STK4: variants seen among roughly 807,000 people sequenced by gnomAD.
STK4 encodes serine/threonine-protein kinase 4.
Under a neutral mutation model 64.9 loss-of-function variants are expected in STK4, and 30 were observed. That is an observed-to-expected ratio of 0.46 (90% CI 0.35 to 0.63). The LOEUF (loss-of-function observed/expected upper bound fraction) is 0.63. Ranked by LOEUF, STK4 falls within the 20% of genes least tolerant of loss-of-function variation. STK4 has a pLI of 0.01. For synonymous variants in STK4, 177 were observed against 199.0 expected (o/e 0.89, Z 0.93); for missense variants, 466 against 598.5 (o/e 0.78, Z 2.31).
chr20:45,063,170 A>C (rs1175044877), intron 10 of STK4, among the ~76,000 whole-genome samples: 2 of 147,084 alleles, frequency 1.4e-5, no homozygotes, highest in Non-Finnish European at 1.5e-5. Flanking sequence ...CACCTGGCTA[A>C]TTGTTTTTGT....
intron 10 of STK4, among the ~76,000 whole-genome samples, chr20:45,043,032 T>C (rs1485973123): frequency 6.6e-6 from 1 of 152,070 alleles, no homozygotes; most frequent in African/African-American, 2.4e-5. Flanking sequence ...CAGGCCCCAG[T>C]GTGTGTTGTT....
chr20:45,076,476 C>T lies in STK4; in HGVS notation c.*1300C>T, dbSNP rs1460556174. ...CCTGTGTCAGTCTTGGTTAATTGTTCCAGGGAACCTTGCTAACAGAAACTT... is the reference window on the plus strand; with the variant it reads ...CCTGTGTCAGTCTTGGTTAATTGTTTCAGGGAACCTTGCTAACAGAAACTT... On this transcript the variant is annotated 3_prime_UTR_variant, in exon 11 of 11. Transcript: ENST00000372806. This position sits in a 1 kb window ranked among gnomAD's most constrained non-coding sequence, Gnocchi z 4.0. 1 of 152,188 alleles carries T rather than the reference C, an allele frequency of 6.6e-6. No homozygotes were observed. Among genetic ancestry groups the T allele is most frequent in the African/African-American group, 2.4e-5 (1 of 41,448 alleles). The allele number at this position is 152,188 out of a possible 1,614,324, so 9.4% of individuals were successfully genotyped here. A position where few individuals can be genotyped will look rare whatever the true frequency, so the allele number is the denominator to read the frequency against.
At chr20:45,020,472 T>TGTGTG (rs1568728059) in intron 9 of STK4, among the ~76,000 whole-genome samples, 228 of 49,514 alleles carry the variant, frequency 4.6e-3, no homozygotes, top group African/African-American at 0.025. Context: ...GTGTGTATGT[T>TGTGTG]TATGTTTATG....
intron 10 of STK4, among the ~76,000 whole-genome samples, chr20:45,026,348 T>TGTGTGTGTGTGC (rs995303278): frequency 6.6e-6 from 1 of 150,886 alleles, no homozygotes; most frequent in African/African-American, 2.4e-5. Context: ...TGTGTGTGTG[T>TGTGTGTGTGTGC]GCATAGTTTT....
intron 5 of STK4, among the ~76,000 whole-genome samples, chr20:44,987,640 A>G (rs1452165112): frequency 6.6e-6 from 1 of 152,190 alleles, no homozygotes; most frequent in Non-Finnish European, 1.5e-5. Context: ...AAGACATAAC[A>G]TCATCTCATT....
intron 6 of STK4, among the ~76,000 whole-genome samples, chr20:44,996,361 G>T (rs2067730859): frequency 6.6e-6 from 1 of 151,962 alleles, no homozygotes; most frequent in Admixed American, 6.6e-5. Flanking sequence ...TTCCTCAGGG[G>T]CTCTGTGGTC....
intron 9 of STK4, among the ~76,000 whole-genome samples, chr20:45,006,460 A>C (rs1376297638): frequency 1.3e-5 from 2 of 151,952 alleles, no homozygotes; most frequent in Non-Finnish European, 1.5e-5. Context: ...TTAAAAAAAA[A>C]CTTTCAGATC....
At chr20:45,015,856 A>G (rs2068131602) in intron 9 of STK4, among the ~76,000 whole-genome samples, 1 of 152,218 alleles carries the variant, frequency 6.6e-6, no homozygotes, top group Non-Finnish European at 1.5e-5. Flanking sequence ...TAAATGCTCA[A>G]AAATGGTAGG....
At chr20:45,030,744 T>G (rs1224004003) in intron 10 of STK4, among the ~76,000 whole-genome samples, 1 of 152,222 alleles carries the variant, frequency 6.6e-6, no homozygotes, top group African/African-American at 2.4e-5. Context: ...AAATTGATAT[T>G]TCATATTCTA....
intron 9 of STK4, among the ~76,000 whole-genome samples, chr20:45,013,060 A>G (rs1436004120): frequency 6.8e-6 from 1 of 147,582 alleles, no homozygotes; most frequent in Non-Finnish European, 1.5e-5. Flanking sequence ...CAACCTCCCA[A>G]AGTACTGGGA....
At chr20:44,977,395 A>G (rs911290886) in intron 2 of STK4, among the ~76,000 whole-genome samples, 27 of 151,744 alleles carry the variant, frequency 1.8e-4, no homozygotes, top group Non-Finnish European at 7.4e-5. Context: ...TTTTTTTTTC[A>G]CCAAGACAGT....
chr20:44,974,344 A>T (rs2067302081), intron 2 of STK4: 1 of 152,242 alleles, frequency 6.6e-6, no homozygotes, highest in Non-Finnish European at 1.5e-5. Flanking sequence ...TCTTCTAAAT[A>T]ATACCAGATT....
At chr20:44,981,971 T>G (rs746885514) in intron 4 of STK4, 28 bp downstream of exon 4, 2 of 1,485,910 alleles carry the variant, frequency 1.3e-6, no homozygotes, top group African/African-American at 2.8e-5. Context: ...AACATGCAAC[T>G]GAGCTAGTTT....
At chr20:44,977,454 T>G (rs1043829105) in intron 2 of STK4, among the ~76,000 whole-genome samples, 6 of 152,324 alleles carry the variant, frequency 3.9e-5, no homozygotes, top group African/African-American at 1.4e-4. Flanking sequence ...TTACTCAGTA[T>G]TATTTCACTG....
At position 44,971,697 on chromosome 20, in the gene STK4, G is replaced by A. The variant is rs138619903; in HGVS notation, c.36-381G>A. On this transcript the variant is annotated intron_variant, in intron 1 of 10. Coordinates refer to ENST00000372806, the MANE Select transcript of STK4 (RefSeq NM_006282.5). ...TTTTTTTTTTTTTTTTTTTGAGACA[G>A]TCTCTCTCTGTCACCCAAGCTTGAG... Among the ~76,000 whole-genome samples the A allele has an allele frequency of 2.9e-3, 336 of 115,810 alleles. 2 individuals are homozygous for A. Among genetic ancestry groups the A allele is most frequent in the African/African-American group, 8.9e-3 (261 of 29,286 alleles). The allele number at this position is 115,810 out of a possible 152,430, so 76.0% of individuals were successfully genotyped here. A position where few individuals can be genotyped will look rare whatever the true frequency, so the allele number is the denominator to read the frequency against.
chr20:44,984,491 C>T (rs1026138628), intron 4 of STK4, among the ~76,000 whole-genome samples: 4 of 152,010 alleles, frequency 2.6e-5, no homozygotes, highest in Admixed American at 6.5e-5. Context: ...CGTGAGCCAC[C>T]GTTCCCGGCC....
intron 10 of STK4, among the ~76,000 whole-genome samples, chr20:45,065,436 G>T (rs1447024682): frequency 6.6e-6 from 1 of 151,912 alleles, no homozygotes; most frequent in East Asian, 1.9e-4. Flanking sequence ...TTTTTTGGTG[G>T]TTGTTGTTGT....
rs574971783 is a variant in STK4 at position 45,077,397 on chromosome 20, C to T, written c.*2221C>T. 7.9e-5 allele frequency: 12 copies of T among 152,090 alleles called. No homozygotes were observed. The highest frequency in any genetic ancestry group is 2.9e-4 in the African/African-American group (12 of 41,512). 9.4% of individuals were successfully genotyped at this position (152,090 alleles called of 1,614,324 possible). A position where few individuals can be genotyped will look rare whatever the true frequency, so the allele number is the denominator to read the frequency against. On this transcript the variant is annotated 3_prime_UTR_variant, in exon 11 of 11. Transcript: ENST00000372806. ...AATTAATAGTTCTGTCTCTCTCTCT[C>T]TTTCTTTTTTCTTTTTATTCTTTGA...
At chr20:45,007,180 G>A (rs1190801941) in intron 9 of STK4, among the ~76,000 whole-genome samples, 1 of 152,192 alleles carries the variant, frequency 6.6e-6, no homozygotes, top group East Asian at 1.9e-4. Flanking sequence ...TCTCTATAAA[G>A]GAACAGGTTC....
Sources: allele counts gnomAD v4.1 joint callset (sites outside exome capture counted in the v4.1 genomes callset), GRCh38; gene constraint gnomAD v4.1.1; non-coding constraint Gnocchi (gnomAD v3.1); transcripts MANE v1.5; gene names NCBI Gene and HGNC (gene_info 2026-07-23, HGNC 2026-07-21).